Variants in MICU1 observed in about 807,000 individuals in gnomAD.
MICU1 encodes calcium uptake protein 1, mitochondrial.
MICU1 carries 45 observed loss-of-function variants against 56.8 expected under a neutral mutation model. The ratio of observed to expected loss-of-function variants is 0.79; its 90% CI spans 0.62 to 1.02. The LOEUF (loss-of-function observed/expected upper bound fraction) is 1.02, where lower values mean the gene tolerates loss of function less well. MICU1 is among the 50% of genes least tolerant of loss of function. The pLI is 0.00. For synonymous variants in MICU1, 186 were observed against 195.1 expected (o/e 0.95, Z 0.39); for missense variants, 504 against 587.1 (o/e 0.86, Z 1.46).
intron 8 of MICU1, among the ~76,000 whole-genome samples, chr10:72,426,293 T>C (rs998804736): frequency 1.1e-4 from 16 of 152,180 alleles, no homozygotes; most frequent in African/African-American, 3.9e-4. Context: ...GTGCTGAGAT[T>C]ACAGGCGTGA....
At chr10:72,512,602 G>GT (rs1867507740) in intron 5 of MICU1, among the ~76,000 whole-genome samples, 1 of 152,130 alleles carries the variant, frequency 6.6e-6, no homozygotes, top group African/African-American at 2.4e-5. Flanking sequence ...ATGAGTATCT[G>GT]TTTGAGTACC....
chr10:72,453,143 C>A (rs1239661156), intron 8 of MICU1, among the ~76,000 whole-genome samples: 2 of 152,248 alleles, frequency 1.3e-5, no homozygotes, highest in East Asian at 3.9e-4. Context: ...TCAAGCAACT[C>A]CACAATTTAT....
At chr10:72,579,922 C>T (rs1340564064) in intron 1 of MICU1, among the ~76,000 whole-genome samples, 23 of 151,030 alleles carry the variant, frequency 1.5e-4, no homozygotes, top group Admixed American at 1.5e-3. Context: ...TTATGTATAT[C>T]CAAATATTCA....
intron 1 of MICU1, among the ~76,000 whole-genome samples, chr10:72,598,896 CT>C (rs928883489): frequency 2.6e-5 from 4 of 151,940 alleles, no homozygotes; most frequent in African/African-American, 9.7e-5. Flanking sequence ...TTCCCTTTTT[CT>C]TTTTTTTCCC....
At chr10:72,600,648 C>CAAAAAA (rs71021514) in intron 1 of MICU1, among the ~76,000 whole-genome samples, 8 of 105,544 alleles carry the variant, frequency 7.6e-5, no homozygotes, top group Admixed American at 1.1e-4. Flanking sequence ...GACTCCGTCT[C>CAAAAAA]AAAAAAAAAA....
chr10:72,442,917 C>T (rs1048589457), intron 8 of MICU1, among the ~76,000 whole-genome samples: 2 of 152,138 alleles, frequency 1.3e-5, no homozygotes, highest in Non-Finnish European at 1.5e-5. Context: ...CTATCATACC[C>T]GTTTAATTTT....
intron 5 of MICU1, among the ~76,000 whole-genome samples, chr10:72,516,965 T>C (rs1446076653): frequency 2.0e-5 from 3 of 152,188 alleles, no homozygotes; most frequent in African/African-American, 4.8e-5. Context: ...GGATTATGTA[T>C]CTATTTACCA....
At chr10:72,519,035 T>C (rs919035946) in intron 5 of MICU1, among the ~76,000 whole-genome samples, 1 of 152,252 alleles carries the variant, frequency 6.6e-6, no homozygotes. Context: ...CAGAGCATTA[T>C]GTTGTTTTAT....
intron 4 of MICU1, among the ~76,000 whole-genome samples, chr10:72,539,448 C>CTGT (rs1839714470): frequency 6.6e-6 from 1 of 152,068 alleles, no homozygotes; most frequent in African/African-American, 2.4e-5. Context: ...ACTTTGGAAA[C>CTGT]TTTACAAAGA....
intron 1 of MICU1, among the ~76,000 whole-genome samples, chr10:72,606,266 C>T (rs1160487261): frequency 6.6e-6 from 1 of 151,894 alleles, no homozygotes; most frequent in Non-Finnish European, 1.5e-5. Flanking sequence ...AATCCCAGCA[C>T]TCTGGGAGGC....
intron 6 of MICU1, among the ~76,000 whole-genome samples, chr10:72,487,919 G>A (rs1866526828): frequency 6.6e-6 from 1 of 152,100 alleles, no homozygotes; most frequent in Non-Finnish European, 1.5e-5. Flanking sequence ...AAAAAAGTCT[G>A]GATGTGGTGG....
At chr10:72,464,327 T>C (rs889163619) in intron 8 of MICU1, among the ~76,000 whole-genome samples, 7 of 141,462 alleles carry the variant, frequency 4.9e-5, no homozygotes, top group African/African-American at 1.9e-4. Flanking sequence ...AAAAAAGAAC[T>C]GTTATAGTTC....
At chr10:72,477,083 G>T in intron 7 of MICU1, 91 bp downstream of exon 7, 1 of 922,946 alleles carries the variant, frequency 1.1e-6, no homozygotes, top group Non-Finnish European at 1.6e-6. Flanking sequence ...TAGCCTCTGA[G>T]TATACTGACC....
rs1841445906 is a variant in MICU1, at chr10:72,598,817, C to T, written c.-2+27193G>A. ...TATTAGGGTCTGGAAAAAACTATTT[C>T]AGAGCATTCTACCAGCCCCATGAAA... is the stretch of plus-strand genomic sequence containing the variant. On this transcript the variant is annotated intron_variant, in intron 1 of 11. Transcript: ENST00000361114. 2.0e-5 allele frequency among the ~76,000 whole-genome samples: 3 copies of T among 152,118 alleles called. No individual in the cohort carries two copies. The South Asian group carries it at 6.2e-4, about 32-fold the overall frequency.
intron 1 of MICU1, among the ~76,000 whole-genome samples, chr10:72,588,665 T>C (rs891410897): frequency 3.9e-5 from 6 of 152,186 alleles, no homozygotes; most frequent in African/African-American, 1.4e-4. Flanking sequence ...GAAAACACAG[T>C]TTCCCAAACC....
chr10:72,387,976 A>G (rs1396006854), intron 10 of MICU1, among the ~76,000 whole-genome samples: 2 of 152,168 alleles, frequency 1.3e-5, no homozygotes, highest in Non-Finnish European at 1.5e-5. Flanking sequence ...TATTTTCACA[A>G]TAACCCTGAA....
At chr10:72,492,907 A>G (rs1866710626) in intron 6 of MICU1, among the ~76,000 whole-genome samples, 1 of 152,134 alleles carries the variant, frequency 6.6e-6, no homozygotes, top group Non-Finnish European at 1.5e-5. Flanking sequence ...ACTTGAGGTC[A>G]GGAGTTCAAG....
At chr10:72,435,741 G>A (rs984501324) in intron 8 of MICU1, among the ~76,000 whole-genome samples, 9 of 152,260 alleles carry the variant, frequency 5.9e-5, no homozygotes, top group African/African-American at 1.9e-4. Context: ...GATTCTCTCC[G>A]GTGCCTGGCT....
intron 6 of MICU1, among the ~76,000 whole-genome samples, chr10:72,497,305 AC>A (rs1174193346): frequency 6.6e-6 from 1 of 151,422 alleles, no homozygotes. Context: ...TGATCCACCC[AC>A]CTCAGCCTCC....
Sources: gnomAD v4.1 joint callset for allele counts (sites outside exome capture counted in the v4.1 genomes callset) on GRCh38, gnomAD v4.1.1 for gene constraint, MANE v1.5 for transcripts, NCBI Gene and HGNC (gene_info 2026-07-23, HGNC 2026-07-21) for gene names.